The following SLC35E4 variants were observed in gnomAD, a reference collection of about 807,000 sequenced individuals.
The protein encoded by SLC35E4 is solute carrier family 35, member E4.
SLC35E4 carries 15 observed loss-of-function variants against 19.3 expected under a neutral mutation model. The observed-to-expected ratio is 0.78, with a 90% CI of 0.52 to 1.20. SLC35E4 has a LOEUF of 1.20. SLC35E4 is among the 50% of genes most tolerant of loss of function. The pLI is 0.00. For missense variants in SLC35E4, 406 were observed against 472.3 expected, an observed-to-expected ratio of 0.86 and a Z score of 1.30; for synonymous variants, 219 against 219.9, an observed-to-expected ratio of 1.00 and a Z score of 0.04.
chr22:30,650,390 G>A (rs2088190468), downstream of SLC35E4, among the ~76,000 whole-genome samples: 1 of 152,146 alleles, frequency 6.6e-6, no homozygotes, highest in South Asian at 2.1e-4. Context: ...CAGCTACTCG[G>A]AAGGCTGAGG....
chr22:30,641,162 C>G (rs527822809), intron 1 of SLC35E4, among the ~76,000 whole-genome samples: 1 of 152,336 alleles, frequency 6.6e-6, no homozygotes, highest in South Asian at 2.1e-4. Flanking sequence ...CCCATGCTGC[C>G]CCTGCTGAGA....
At chr22:30,649,101 G>A (rs763091643), downstream of SLC35E4, 27 of 706,138 alleles carry the variant, frequency 3.8e-5, no homozygotes, top group South Asian at 7.5e-5. Context: ...CAGTTGGAGT[G>A]AGAACACCTG....
chr22:30,639,720 G>C (rs1319964902), intron 1 of SLC35E4, among the ~76,000 whole-genome samples: 1 of 152,198 alleles, frequency 6.6e-6, no homozygotes, highest in African/African-American at 2.4e-5. Flanking sequence ...GTTCCACCCG[G>C]CTCACCGGCA....
downstream of SLC35E4, chr22:30,667,771 C>G (rs1255579174): frequency 6.5e-6 from 1 of 152,788 alleles, no homozygotes; most frequent in African/African-American, 2.4e-5. Context: ...CAGCTCACCG[C>G]ACCCCACTCC....
At chr22:30,645,086 A>G (rs2088106122) in intron 1 of SLC35E4, among the ~76,000 whole-genome samples, 1 of 152,206 alleles carries the variant, frequency 6.6e-6, no homozygotes, top group South Asian at 2.1e-4. Context: ...TGAATGAGGC[A>G]ATGAATGGGT....
chr22:30,639,152 C>T (rs886309353), intron 1 of SLC35E4, among the ~76,000 whole-genome samples: 2 of 152,018 alleles, frequency 1.3e-5, no homozygotes, highest in South Asian at 4.1e-4. Flanking sequence ...GGACAGAGTA[C>T]AAAAGGGAGA....
At chr22:30,659,180 C>T (rs1205432580) in intron 2 of SLC35E4, among the ~76,000 whole-genome samples, 1 of 150,480 alleles carries the variant, frequency 6.6e-6, no homozygotes, top group Non-Finnish European at 1.5e-5. Flanking sequence ...ACTACAATAG[C>T]CCACAGGAGA....
At position 30,646,753 on chromosome 22, in the gene SLC35E4, C is replaced by A. The variant is rs752411602; in HGVS notation, c.775C>A (p.Leu259Met). ...CGACTCTCGCCTCTGGGCCTGCATCCTGCTCAGCTGCCTCCTGTCTGTTCT... is the reference window on the plus strand; with the variant it reads ...CGACTCTCGCCTCTGGGCCTGCATCATGCTCAGCTGCCTCCTGTCTGTTCT... ...AGDSRLWACILLSCLLSVLYN... is the reference protein window; with the variant it reads ...AGDSRLWACIMLSCLLSVLYN... The change falls in exon 2 of 2, where the codon CTG (leucine) becomes ATG (methionine). Residue 259 changes from leucine to methionine, a missense_variant. By Grantham distance (15) the Leu-to-Met change is conservative. Coordinates refer to ENST00000343605, the MANE Select transcript of SLC35E4 (RefSeq NM_001001479.4). The A allele has an allele frequency of 5.1e-5, 83 of 1,613,830 alleles. No individual in the cohort carries two copies. The highest frequency in any genetic ancestry group is 7.0e-5 in the Non-Finnish European group (83 of 1,179,978).
At chr22:30,641,548 TTTA>T (rs2088036692) in intron 1 of SLC35E4, among the ~76,000 whole-genome samples, 1 of 151,410 alleles carries the variant, frequency 6.6e-6, no homozygotes, top group African/African-American at 2.4e-5. Context: ...TAAATTTTAT[TTTA>T]TTATTTTTTT....
At chr22:30,639,546 A>T (rs1232843012) in intron 1 of SLC35E4, among the ~76,000 whole-genome samples, 1 of 152,102 alleles carries the variant, frequency 6.6e-6, no homozygotes, top group African/African-American at 2.4e-5. Context: ...GGCTTATTTC[A>T]TCCCTACAGC....
At position 30,646,656 on chromosome 22, in the gene SLC35E4, GC is replaced by G. The variant is rs756597856; in HGVS notation, c.681del (p.Ser228AlafsTer161). 1 of 1,612,446 alleles carries G rather than the reference GC, an allele frequency of 6.2e-7. No individual in the cohort carries two copies. Among genetic ancestry groups the G allele is most frequent in the African/African-American group, 1.3e-5 (1 of 75,032 alleles). Reference sequence around the variant, plus strand: ...TGACCCTGCTTTACGCCACCTCGCTGCCCAGCTTCTGCCTGCTGGCGGGTGC... The same window carrying G: ...TGACCCTGCTTTACGCCACCTCGCTGCCAGCTTCTGCCTGCTGGCGGGTGC... ...AVTLLYATSL[P>X]SFCLLAGAAL... On this transcript the variant is annotated frameshift_variant, in exon 2 of 2. Coordinates refer to ENST00000343605, the MANE Select transcript of SLC35E4 (RefSeq NM_001001479.4). LOFTEE classifies it high-confidence loss of function.
At chr22:30,657,912 T>C (rs1448886670) in intron 2 of SLC35E4, among the ~76,000 whole-genome samples, 1 of 86,366 alleles carries the variant, frequency 1.2e-5, no homozygotes, top group East Asian at 5.3e-4. Context: ...TCAAAAATAA[T>C]AATAATAATA....
chr22:30,636,370 C>A lies in SLC35E4; in HGVS notation c.-81C>A. 6 of 1,430,728 alleles carry A rather than the reference C, an allele frequency of 4.2e-6. No individual in the cohort carries two copies. Among genetic ancestry groups the A allele is most frequent in the Non-Finnish European group, 5.5e-6 (6 of 1,093,572 alleles). 88.6% of individuals were successfully genotyped at this position (1,430,728 alleles called of 1,614,324 possible). ...CGGGGTCGGAGGAACCAGGATCTAGCCTGGCCCCAAGCGGAACTCTCTGGT... is the reference window on the plus strand; with the variant it reads ...CGGGGTCGGAGGAACCAGGATCTAGACTGGCCCCAAGCGGAACTCTCTGGT... On this transcript the variant is annotated 5_prime_UTR_variant, in exon 1 of 2. Coordinates refer to ENST00000343605, the MANE Select transcript of SLC35E4 (RefSeq NM_001001479.4).
exon 3 of SLC35E4, chr22:30,668,693 CCT>C (rs540509646): frequency 6.6e-6 from 1 of 152,328 alleles, no homozygotes; most frequent in Non-Finnish European, 1.5e-5. Flanking sequence ...CCCTTCTCAG[CCT>C]CTGTGTTCCC....
At chr22:30,638,751 G>T (rs926881145) in intron 1 of SLC35E4, among the ~76,000 whole-genome samples, 1 of 152,194 alleles carries the variant, frequency 6.6e-6, no homozygotes, top group African/African-American at 2.4e-5. Flanking sequence ...GGCGGAGGTT[G>T]CAGTGAGCTG....
In SLC35E4 at chr22:30,636,422, C is replaced by G; in HGVS notation, c.-29C>G. ...GCCCAGAGGTCGTCACTGGGGAGCC[C>G]GCCTCCTGCCCTAGCCTCACTGGTG... On this transcript the variant is annotated 5_prime_UTR_variant, in exon 1 of 2. Transcript: ENST00000343605. 6.9e-7 allele frequency: 1 copy of G among 1,450,486 alleles called. No homozygotes were observed. Among genetic ancestry groups the G allele is most frequent in the Non-Finnish European group, 9.1e-7 (1 of 1,098,612 alleles). 89.9% of individuals were successfully genotyped at this position (1,450,486 alleles called of 1,614,324 possible).
intron 2 of SLC35E4, among the ~76,000 whole-genome samples, chr22:30,661,198 A>AC (rs1230199743): frequency 4.0e-5 from 6 of 151,556 alleles, no homozygotes; most frequent in Admixed American, 6.6e-5. Context: ...TACAATAGCC[A>AC]CCCCCCCGCC....
chr22:30,638,679 G>T (rs1056234811), intron 1 of SLC35E4, among the ~76,000 whole-genome samples: 2 of 90,760 alleles, frequency 2.2e-5, no homozygotes, highest in African/African-American at 7.0e-5. Context: ...GAGCGTGATG[G>T]TGGGCGCCTG....
intron 2 of SLC35E4, among the ~76,000 whole-genome samples, chr22:30,653,435 G>A (rs1298286853): frequency 3.3e-5 from 5 of 150,592 alleles, no homozygotes; most frequent in South Asian, 2.1e-4. Flanking sequence ...GCAGTGGTGC[G>A]ATCTCGGCTC....
Sources: gnomAD v4.1 joint callset for allele counts (sites outside exome capture counted in the v4.1 genomes callset) on GRCh38, gnomAD v4.1.1 for gene constraint, MANE v1.5 for transcripts, NCBI Gene and HGNC (gene_info 2026-07-23, HGNC 2026-07-21) for gene names.